LOC122539214: variants seen among roughly 807,000 people sequenced by gnomAD.
chr19:52,677,381 G>A, the LOC122539214 span, among the ~76,000 whole-genome samples: 1 of 151,728 alleles, frequency 6.6e-6, no homozygotes, highest in Admixed American at 6.6e-5. Context: ...AGCTACTCAG[G>A]AGGCTGAGGC....
the LOC122539214 span, among the ~76,000 whole-genome samples, chr19:52,687,354 TATATAAATTATA>T: frequency 5.2e-5 from 5 of 96,708 alleles, no homozygotes; most frequent in African/African-American, 2.2e-4. Context: ...TTTATATAGC[TATATAAATTATA>T]ATATAAATTA....
chr19:52,679,780 G>T, the LOC122539214 span, among the ~76,000 whole-genome samples: 1 of 152,098 alleles, frequency 6.6e-6, no homozygotes, highest in Non-Finnish European at 1.5e-5. Flanking sequence ...TGTTCTTCAT[G>T]AATTTTCTGT....
the LOC122539214 span, among the ~76,000 whole-genome samples, chr19:52,685,663 G>A: frequency 3.9e-5 from 6 of 152,114 alleles, no homozygotes; most frequent in Non-Finnish European, 2.9e-5. Context: ...TTGGGAGGTC[G>A]AGGTGGGCAG....
chr19:52,676,188 G>A, the LOC122539214 span, among the ~76,000 whole-genome samples: 2 of 152,198 alleles, frequency 1.3e-5, no homozygotes, highest in African/African-American at 4.8e-5. Flanking sequence ...TCGCTGTGTT[G>A]GTTGGGCTGG....
chr19:52,653,061 G>T, the LOC122539214 span: 1 of 1,487,658 alleles, frequency 6.7e-7, no homozygotes, highest in Admixed American at 1.7e-5. Context: ...CATTACACTT[G>T]TAAGGTTTCT....
chr19:52,655,564 C>G, the LOC122539214 span: 1 of 1,498,286 alleles, frequency 6.7e-7, no homozygotes, highest in Non-Finnish European at 9.3e-7. Context: ...TCCTCACCCA[C>G]AGACTCCAGG....
the LOC122539214 span, among the ~76,000 whole-genome samples, chr19:52,661,885 C>A: frequency 4.0e-5 from 6 of 150,548 alleles, no homozygotes; most frequent in Non-Finnish European, 1.5e-5. Flanking sequence ...GGAAGAAAGG[C>A]TGCTTGTCAC....
At chr19:52,651,279 G>A in the LOC122539214 span, 1 of 152,212 alleles carries the variant, frequency 6.6e-6, no homozygotes, top group Non-Finnish European at 1.5e-5. Context: ...AAGATAGTCA[G>A]GATATATTCA....
At chr19:52,666,607 C>A in the LOC122539214 span, among the ~76,000 whole-genome samples, 1 of 104,608 alleles carries the variant, frequency 9.6e-6, no homozygotes, top group African/African-American at 3.8e-5. Flanking sequence ...CAAGGAAGAA[C>A]TATCCTAAGT....
chr19:52,661,511 C>G, the LOC122539214 span, among the ~76,000 whole-genome samples: 1 of 152,204 alleles, frequency 6.6e-6, no homozygotes, highest in Non-Finnish European at 1.5e-5. Context: ...ATGCTGGACA[C>G]AGATGAGAAT....
At chr19:52,673,010 G>A in the LOC122539214 span, among the ~76,000 whole-genome samples, 1 of 151,156 alleles carries the variant, frequency 6.6e-6, no homozygotes, top group Non-Finnish European at 1.5e-5. Flanking sequence ...ATAAAAATGG[G>A]GATGGCCAGG....
chr19:52,666,865 G>A, the LOC122539214 span, among the ~76,000 whole-genome samples: 6 of 152,174 alleles, frequency 3.9e-5, no homozygotes, highest in Non-Finnish European at 7.3e-5. Context: ...GAGGGAAAAA[G>A]ACATAATGGG....
chr19:52,666,516 A>G, the LOC122539214 span, among the ~76,000 whole-genome samples: 153 of 151,964 alleles, frequency 1.0e-3, 1 homozygote, highest in African/African-American at 3.4e-3. Context: ...AATGCATTCA[A>G]TCTGTAGTGG....
chr19:52,683,719 C>T, the LOC122539214 span, among the ~76,000 whole-genome samples: 40 of 152,238 alleles, frequency 2.6e-4, no homozygotes, highest in African/African-American at 8.4e-4. Context: ...CTTATTTTGA[C>T]TAAAACAAAT....
At chr19:52,684,158 C>T in the LOC122539214 span, among the ~76,000 whole-genome samples, 1 of 152,042 alleles carries the variant, frequency 6.6e-6, no homozygotes, top group Non-Finnish European at 1.5e-5. Flanking sequence ...CACTTGAGGT[C>T]AGGAGTTTGA....
the LOC122539214 span, among the ~76,000 whole-genome samples, chr19:52,677,004 T>A: frequency 0.22 from 30,970 of 143,550 alleles, 3,533 homozygotes; most frequent in Non-Finnish European, 0.24. Context: ...GGCCGCAGGG[T>A]CCTCTGCCTA....
the LOC122539214 span, among the ~76,000 whole-genome samples, chr19:52,677,300 G>C: frequency 0.28 from 37,260 of 133,202 alleles, 5,218 homozygotes; most frequent in East Asian, 0.54. Flanking sequence ...CAGACAAATT[G>C]AGAAGTAAAA....
chr19:52,657,681 C>T, the LOC122539214 span, among the ~76,000 whole-genome samples: 1 of 152,034 alleles, frequency 6.6e-6, no homozygotes, highest in African/African-American at 2.4e-5. Flanking sequence ...AACCCCGTCT[C>T]TACTAAAAAT....
chr19:52,687,635 A>ATATATATATATATATAATGTGTG, the LOC122539214 span, among the ~76,000 whole-genome samples: 4 of 14,728 alleles, frequency 2.7e-4, no homozygotes, highest in African/African-American at 1.9e-3. Flanking sequence ...TATATAATGT[A>ATATATATATATATATAATGTGTG]TATATATATA....
Sources: gnomAD v4.1 joint callset for allele counts (sites outside exome capture counted in the v4.1 genomes callset) on GRCh38, gnomAD v4.1.1 for gene constraint, MANE v1.5 for transcripts.